Variants in ARHGAP40 observed in about 807,000 individuals in gnomAD.
ARHGAP40 encodes Rho GTPase activating protein 40.
Under a neutral mutation model 73.5 loss-of-function variants are expected in ARHGAP40, and 43 were observed. That is an observed-to-expected ratio of 0.58 (90% CI 0.46 to 0.75). The LOEUF (loss-of-function observed/expected upper bound fraction) is 0.75, where lower values mean the gene tolerates loss of function less well. ARHGAP40 is among the 30% of genes least tolerant of loss of function. The pLI is 0.00. For synonymous variants in ARHGAP40, 300 were observed against 352.8 expected, an observed-to-expected ratio of 0.85 and a Z score of 1.68; for missense variants, 734 against 861.8, an observed-to-expected ratio of 0.85 and a Z score of 1.86.
At chr20:38,631,803 C>T (rs2145607217) in intron 5 of ARHGAP40, among the ~76,000 whole-genome samples, 1 of 152,206 alleles carries the variant, frequency 6.6e-6, no homozygotes, top group East Asian at 1.9e-4. Flanking sequence ...AGCCTCTATT[C>T]CAATGTGAGA....
exon 1 of ARHGAP40, chr20:38,601,869 C>T: frequency 7.8e-6 from 10 of 1,282,150 alleles, no homozygotes; most frequent in Non-Finnish European, 1.0e-5. Flanking sequence ...TCACTCCTCC[C>T]TCTCACATTG....
At chr20:38,636,348 A>G (rs2088975176) in intron 6 of ARHGAP40, among the ~76,000 whole-genome samples, 1 of 151,812 alleles carries the variant, frequency 6.6e-6, no homozygotes, top group African/African-American at 2.4e-5. Context: ...TGCAGCCTCA[A>G]TCTCCCCAGG....
At chr20:38,614,475 G>T (rs908673578) in intron 1 of ARHGAP40, among the ~76,000 whole-genome samples, 11 of 151,990 alleles carry the variant, frequency 7.2e-5, no homozygotes, top group African/African-American at 2.7e-4. Context: ...CATCTCTATA[G>T]GAGCGTCTAA....
chr20:38,648,613 G>GTTTTTTT, intron 13 of ARHGAP40, 30 bp from the exon 14 acceptor site: 1 of 1,072,010 alleles, frequency 9.3e-7, no homozygotes, highest in African/African-American at 1.7e-5. Context: ...AAAGGCAGTA[G>GTTTTTTT]TTTTTTTTTT....
At chr20:38,617,682 T>C (rs181961546) in intron 1 of ARHGAP40, among the ~76,000 whole-genome samples, 1 of 151,418 alleles carries the variant, frequency 6.6e-6, no homozygotes, top group East Asian at 1.9e-4. Flanking sequence ...CAGGAATATA[T>C]TTCTTCATGC....
chr20:38,650,215 T>C, exon 15 of ARHGAP40: 2 of 397,292 alleles, frequency 5.0e-6, no homozygotes, highest in Non-Finnish European at 1.0e-5. Flanking sequence ...TACACCAAGC[T>C]TGCTGTATGA....
At chr20:38,641,797 A>G (rs1238610371) in exon 10 of ARHGAP40, 1 of 1,293,588 alleles carries the variant, frequency 7.7e-7, no homozygotes, top group Admixed American at 2.4e-5. Flanking sequence ...ACCCAACAGA[A>G]ATGCCTTAAA....
intron 2 of ARHGAP40, among the ~76,000 whole-genome samples, chr20:38,626,597 C>T (rs546070360): frequency 4.6e-5 from 7 of 152,352 alleles, no homozygotes; most frequent in Admixed American, 1.3e-4. Context: ...GGGACATCAA[C>T]ACCCAGCACC....
intron 1 of ARHGAP40, among the ~76,000 whole-genome samples, chr20:38,616,971 A>C (rs929647397): frequency 3.4e-5 from 5 of 145,700 alleles, no homozygotes; most frequent in African/African-American, 8.0e-5. Context: ...TTTGAGACGG[A>C]GTCTCACGCT....
Position 38,648,758 on chromosome 20 carries a change from A to G in ARHGAP40, c.1936+60A>G, listed in dbSNP as rs531470145. On this transcript the variant is annotated intron_variant, in intron 14 of 14. Transcript: ENST00000373345. ...GGGTCCCTGGGAGTTCTTCGACCTC[A>G]AAGGCTCACTGGGCCCTTCTGTGGG... The G allele has an allele frequency of 6.1e-5, 78 of 1,273,134 alleles. 2 individuals are homozygous for G. The East Asian group carries it at 4.2e-3, about 68-fold the overall frequency. The allele number at this position is 1,273,134 out of a possible 1,614,324, so 78.9% of individuals were successfully genotyped here. A position where few individuals can be genotyped will look rare whatever the true frequency, so the allele number is the denominator to read the frequency against.
chr20:38,617,404 G>A (rs565145783), intron 1 of ARHGAP40, among the ~76,000 whole-genome samples: 51 of 152,156 alleles, frequency 3.4e-4, no homozygotes, highest in Non-Finnish European at 6.2e-4. Flanking sequence ...ACGGGCAAGG[G>A]TCTCGCTAAG....
exon 1 of ARHGAP40, chr20:38,601,940 C>T (rs1384343366): frequency 7.8e-7 from 1 of 1,287,848 alleles, no homozygotes; most frequent in Non-Finnish European, 1.0e-6. Flanking sequence ...GAGGTGCCAG[C>T]CCATGGCCGA....
rs2089054903 is a variant in ARHGAP40 at position 38,646,585 on chromosome 20, T to G, written c.1711-372T>G. 1.3e-5 allele frequency among the ~76,000 whole-genome samples: 2 copies of G among 152,094 alleles called. No individual in the cohort carries two copies. The highest frequency in any genetic ancestry group is 4.8e-5 in the African/African-American group (2 of 41,406). On this transcript the variant is annotated intron_variant, in intron 12 of 14. Coordinates refer to ENST00000373345, the Ensembl canonical transcript of ARHGAP40. This position sits in a 1 kb window ranked among gnomAD's most constrained non-coding sequence, Gnocchi z 4.5. ...TCCTAGGAGGGGTCCTGAACACGGTTCCTTATTAAAGTCCCGATTAGAGAA... is the reference window on the plus strand; with the variant it reads ...TCCTAGGAGGGGTCCTGAACACGGTGCCTTATTAAAGTCCCGATTAGAGAA...
chr20:38,629,513 G>C (rs1019232446), exon 5 of ARHGAP40: 1 of 1,305,244 alleles, frequency 7.7e-7, no homozygotes, highest in Non-Finnish European at 1.0e-6. Context: ...AGCAGAGCCT[G>C]GGGGGCTGCA....
chr20:38,604,713 C>T (rs1200147765), intron 1 of ARHGAP40, among the ~76,000 whole-genome samples: 1 of 152,078 alleles, frequency 6.6e-6, no homozygotes, highest in Non-Finnish European at 1.5e-5. Flanking sequence ...GGTTTTTAAA[C>T]CAGGGTTCTG....
intron 1 of ARHGAP40, among the ~76,000 whole-genome samples, chr20:38,608,305 A>T (rs2088784193): frequency 6.6e-6 from 1 of 152,018 alleles, no homozygotes; most frequent in Non-Finnish European, 1.5e-5. Context: ...ACATTCACTG[A>T]CTTGTTTCTT....
chr20:38,645,905 C>G (rs186398356), intron 11 of ARHGAP40, 142 bp from the exon 12 acceptor site: 2 of 786,560 alleles, frequency 2.5e-6, no homozygotes, highest in South Asian at 2.0e-5. Context: ...CCAGTGCTTC[C>G]GTCCCGTGTC....
At chr20:38,611,449 A>C (rs1601133680) in intron 1 of ARHGAP40, among the ~76,000 whole-genome samples, 9 of 120,326 alleles carry the variant, frequency 7.5e-5, no homozygotes, top group Admixed American at 2.8e-4. Flanking sequence ...ACAGGGTCTC[A>C]CTCTTTTACC....
At chr20:38,615,147 G>A (rs996651879) in intron 1 of ARHGAP40, 37 of 954,344 alleles carry the variant, frequency 3.9e-5, no homozygotes, top group African/African-American at 8.0e-5. Flanking sequence ...GTCTGCCTTC[G>A]GGATGTTGTC....
Sources: gnomAD v4.1 joint callset for allele counts (sites outside exome capture counted in the v4.1 genomes callset) on GRCh38, gnomAD v4.1.1 for gene constraint, Gnocchi (gnomAD v3.1) non-coding constraint, MANE v1.5 for transcripts, NCBI Gene and HGNC (gene_info 2026-07-23, HGNC 2026-07-21) for gene names.